The following HEATR5A variants were observed in gnomAD, a reference collection of about 807,000 sequenced individuals.
The protein encoded by HEATR5A is HEAT repeat containing 5A, also known as HEAT repeat-containing protein 5A.
HEATR5A carries 178 observed loss-of-function variants against 218.8 expected under a neutral mutation model. The ratio of observed to expected loss-of-function variants is 0.81; its 90% CI spans 0.72 to 0.92. The LOEUF (loss-of-function observed/expected upper bound fraction) is 0.92. Ranked by LOEUF, HEATR5A falls within the 40% of genes least tolerant of loss-of-function variation. HEATR5A has a pLI of 0.00. For missense variants in HEATR5A, 2,420 were observed against 2,418.9 expected (o/e 1.00, Z -0.01); for synonymous variants, 864 against 871.6 (o/e 0.99, Z 0.15).
chr14:31,377,233 G>C (rs1315529123), intron 11 of HEATR5A, among the ~76,000 whole-genome samples: 1 of 151,894 alleles, frequency 6.6e-6, no homozygotes, highest in Non-Finnish European at 1.5e-5. Context: ...GTAAAACCTG[G>C]GACATCTTGC....
At chr14:31,369,608 C>CAAAAAAAA (rs71430951) in intron 13 of HEATR5A, among the ~76,000 whole-genome samples, 10 of 45,160 alleles carry the variant, frequency 2.2e-4, no homozygotes, top group African/African-American at 5.6e-4. Flanking sequence ...AAAACTGTCT[C>CAAAAAAAA]AAAAAAAAAA....
intron 24 of HEATR5A, 150 bp from the exon 25 acceptor site, chr14:31,321,830 C>A: frequency 3.2e-6 from 2 of 623,926 alleles, no homozygotes; most frequent in South Asian, 2.2e-5. Context: ...TAAATAGAGA[C>A]TTTAAAGCTG....
intron 21 of HEATR5A, among the ~76,000 whole-genome samples, chr14:31,340,268 G>A (rs1189156584): frequency 2.0e-5 from 3 of 152,100 alleles, no homozygotes; most frequent in Non-Finnish European, 2.9e-5. Context: ...GGTTAGGAAG[G>A]ATTTGCTTAT....
rs370516053 is a variant in HEATR5A at position 31,374,872 on chromosome 14, C to A, written c.1805G>T (p.Arg602Leu). ...CACCTGCCATGTAAACGAATCTCCT[C>A]GGCTCTTTTCTGTTTCTAGATCTTT... ...SPKDLETEKS[R>L]GDSFTWQVTL... The change falls in exon 12 of 36, where the codon CGA becomes CTA. Residue 602 changes from arginine (R) to leucine (L), a missense_variant. Physicochemically the swap from Arg to Leu is moderately radical, Grantham distance 102. Coordinates refer to ENST00000543095, the MANE Select transcript of HEATR5A (RefSeq NM_015473.4). 1 of 1,613,726 alleles carries A rather than the reference C, an allele frequency of 6.2e-7. No homozygotes were observed. The highest frequency in any genetic ancestry group is 1.1e-5 in the South Asian group (1 of 90,996).
At position 31,344,015 on chromosome 14, in the gene HEATR5A, C is replaced by T. The variant is rs370650666; in HGVS notation, c.3109G>A (p.Ala1037Thr). The T allele has an allele frequency of 3.2e-5, 52 of 1,605,242 alleles. No homozygotes were observed. Among genetic ancestry groups the T allele is most frequent in the Non-Finnish European group, 4.4e-5 (52 of 1,176,188 alleles). The change falls in exon 21 of 36, where the codon GCA becomes ACA. Residue 1037 changes from alanine (A) to threonine (T), a missense_variant. By Grantham distance (58) the Ala-to-Thr change is moderately conservative (BLOSUM62 0). Transcript: ENST00000543095. ...TLRTSCLLGC[A>T]VMQDNPDCLV... Reference sequence around the variant, plus strand: ...CAGTCTGGGTTATCTTGCATTACTGCACAACCCAGTAGACAGGAAGTCCTT... The same window carrying T: ...CAGTCTGGGTTATCTTGCATTACTGTACAACCCAGTAGACAGGAAGTCCTT...
At position 31,309,746 on chromosome 14, in the gene HEATR5A, A is replaced by C. The variant is rs1481249741; in HGVS notation, c.4442-564T>G. Among the ~76,000 whole-genome samples the C allele has an allele frequency of 5.3e-5, 8 of 151,672 alleles. No homozygotes were observed. The East Asian group carries it at 1.4e-3, about 26-fold the overall frequency. On this transcript the variant is annotated intron_variant, in intron 28 of 35. Transcript: ENST00000543095. ...AATTTTTTTCTTTTTTTTTTCAGAC[A>C]GTCTCACTGCAGTGGCGTGATGTCG...
intron 10 of HEATR5A, among the ~76,000 whole-genome samples, chr14:31,381,841 T>C (rs1056981146): frequency 6.6e-6 from 1 of 152,184 alleles, no homozygotes; most frequent in African/African-American, 2.4e-5. Flanking sequence ...ACATTTCACA[T>C]TTATGGATAA....
chr14:31,327,259 A>G (rs1193513388), intron 22 of HEATR5A, among the ~76,000 whole-genome samples: 1 of 139,084 alleles, frequency 7.2e-6, no homozygotes, highest in Non-Finnish European at 1.5e-5. Flanking sequence ...ATAGGCGTTG[A>G]GCCACAGTGC....
chr14:31,358,768 G>C lies in HEATR5A; in HGVS notation c.2280C>G (p.Asp760Glu). Residue 760 changes from aspartate (D) to glutamate (E), a missense_variant, in exon 16 of 36, where the codon GAC (aspartate) becomes GAG (glutamate). By Grantham distance (45) the Asp-to-Glu change is conservative. Transcript: ENST00000543095. The stretch of plus-strand genomic sequence containing the variant: ...CATCTTTCTCATAAATCGAATAAGG[G>C]TCATATTCAAGACTTCCGCAAGCAA... ...NGVACGSLEYDPYSIYEKDVE... is the reference protein window; with the variant it reads ...NGVACGSLEYEPYSIYEKDVE... The C allele has an allele frequency of 6.2e-7, 1 of 1,613,876 alleles. No homozygotes were observed. The highest frequency in any genetic ancestry group is 1.7e-5 in the Admixed American group (1 of 60,010).
chr14:31,327,292 T>TTTTTG (rs1900302230), intron 22 of HEATR5A, among the ~76,000 whole-genome samples: 1 of 131,254 alleles, frequency 7.6e-6, no homozygotes, highest in Admixed American at 7.8e-5. Flanking sequence ...GGCACTTTTT[T>TTTTTG]TTTTTTTTTT....
chr14:31,420,283 A>AG (rs1476750673), intron 1 of HEATR5A, 189 bp downstream of exon 1: 1 of 152,162 alleles, frequency 6.6e-6, no homozygotes, highest in Non-Finnish European at 1.5e-5. Context: ...CAAGACACCT[A>AG]GCCCCTCGAC....
chr14:31,303,966 G>T (rs979900216), intron 32 of HEATR5A, among the ~76,000 whole-genome samples: 7 of 152,004 alleles, frequency 4.6e-5, no homozygotes, highest in African/African-American at 1.7e-4. Context: ...AGCACTTCGG[G>T]ATGTCAAGGA....
chr14:31,309,041 T>C lies in HEATR5A; in HGVS notation c.4583A>G (p.Asn1528Ser). The C allele has an allele frequency of 6.2e-7, 1 of 1,613,890 alleles. No individual in the cohort carries two copies. Among genetic ancestry groups the C allele is most frequent in the Non-Finnish European group, 8.5e-7 (1 of 1,179,852 alleles). Reference sequence around the variant, plus strand: ...AGTTGGTGTTACAGGCCTGGAGAGATTAGATGCTCCTTCATCTGGGTCAGC... The same window carrying C: ...AGTTGGTGTTACAGGCCTGGAGAGACTAGATGCTCCTTCATCTGGGTCAGC... ...VVADPDEGAS[N>S]LSRPVTPTSM... Residue 1528 changes from asparagine to serine, a missense_variant, in exon 29 of 36, where the codon AAT (asparagine) becomes AGT (serine). Asn to Ser is a conservative substitution (Grantham distance 46). Transcript: ENST00000543095.
At chr14:31,353,959 T>C (rs11627179) in intron 16 of HEATR5A, among the ~76,000 whole-genome samples, 128,257 of 151,954 alleles carry the variant, frequency 0.84, 55,043 homozygotes, top group Non-Finnish European at 0.93. Flanking sequence ...ACACTACACC[T>C]GGCTAATTTT....
intron 28 of HEATR5A, among the ~76,000 whole-genome samples, chr14:31,312,002 G>A (rs141890425): frequency 1.3e-5 from 2 of 152,304 alleles, no homozygotes; most frequent in African/African-American, 4.8e-5. Context: ...GTCCAGTGGT[G>A]GAGCATGTGG....
At chr14:31,417,507 C>T (rs1246862913) in intron 1 of HEATR5A, among the ~76,000 whole-genome samples, 1 of 152,108 alleles carries the variant, frequency 6.6e-6, no homozygotes, top group East Asian at 1.9e-4. Flanking sequence ...ATGGCGTGAA[C>T]CCGGGAGGCG....
intron 4 of HEATR5A, among the ~76,000 whole-genome samples, chr14:31,397,739 G>A (rs1308516565): frequency 6.6e-6 from 1 of 150,996 alleles, no homozygotes; most frequent in Admixed American, 6.6e-5. Context: ...GCTCACGACA[G>A]CCTCGAACTC....
chr14:31,359,729 C>CAAGAA (rs1901554466), intron 14 of HEATR5A, among the ~76,000 whole-genome samples: 2 of 32,194 alleles, frequency 6.2e-5, no homozygotes, highest in Non-Finnish European at 1.5e-4. Context: ...CATCTCAAGA[C>CAAGAA]AAAAAAAAAA....
rs547361111 is a variant in HEATR5A, at chr14:31,318,217, C to G, written c.4038+7G>C. On this transcript the variant is annotated splice_region_variant and intron_variant, in intron 26 of 35. Transcript: ENST00000543095. The stretch of plus-strand genomic sequence containing the variant: ...TATCTCTTAAGCTTCATCTTTTAAC[C>G]ATTTACCTGACATGCTTTGGCAGTG... 6.2e-7 allele frequency: 1 copy of G among 1,612,236 alleles called. No individual in the cohort carries two copies. The highest frequency in any genetic ancestry group is 1.7e-5 in the Admixed American group (1 of 59,996).
Sources: gnomAD v4.1 joint callset for allele counts (sites outside exome capture counted in the v4.1 genomes callset) on GRCh38, gnomAD v4.1.1 for gene constraint, MANE v1.5 for transcripts, NCBI Gene and HGNC (gene_info 2026-07-23, HGNC 2026-07-21) for gene names.